The following KIF1B variants were observed in gnomAD, a reference collection of about 807,000 sequenced individuals.
The protein encoded by KIF1B is kinesin family member 1B, also known as kinesin-like protein KIF1B.
A neutral mutation model predicts 241.9 loss-of-function variants in KIF1B; 76 were observed. That is an observed-to-expected ratio of 0.31 (90% CI 0.26 to 0.38). KIF1B has a LOEUF of 0.38. Ranked by LOEUF, KIF1B falls within the 10% of genes least tolerant of loss-of-function variation. The pLI, the probability that KIF1B is intolerant of heterozygous loss-of-function variation, is 1.00. For synonymous variants in KIF1B, 750 were observed against 796.7 expected, an observed-to-expected ratio of 0.94 and a Z score of 0.99; for missense variants, 1,622 against 2,271.4, an observed-to-expected ratio of 0.71 and a Z score of 5.81.
chr1:10,323,876 C>G lies in KIF1B; in HGVS notation c.2359-8C>G. The G allele has an allele frequency of 5.0e-6, 8 of 1,612,354 alleles. No homozygotes were observed. Among genetic ancestry groups the G allele is most frequent in the Non-Finnish European group, 6.8e-6 (8 of 1,178,408 alleles). On this transcript the variant is annotated splice_polypyrimidine_tract_variant and splice_region_variant and intron_variant, in intron 24 of 48. Coordinates refer to ENST00000676179, the MANE Select transcript of KIF1B (RefSeq NM_001365951.3). ...ACCATTTGTCAATGGTTTATTCTTTCTATTCAGGTGCAGTTTCAGTTTGTT... is the reference window on the plus strand; with the variant it reads ...ACCATTTGTCAATGGTTTATTCTTTGTATTCAGGTGCAGTTTCAGTTTGTT...
chr1:10,323,917 C>T lies in KIF1B; in HGVS notation c.2392C>T (p.Leu798=). ...QFQFVLLTDT[L]YSPLPPELLP... ...TCAGTTTGTTCTGCTGACTGACACA[C>T]TGTACTCCCCTTTGCCTCCTGAATT... The change falls in exon 25 of 49, where the codon CTG becomes TTG. Residue 798 remains leucine (L), a synonymous_variant. Coordinates refer to ENST00000676179, the MANE Select transcript of KIF1B (RefSeq NM_001365951.3). The T allele has an allele frequency of 6.2e-7, 1 of 1,614,120 alleles. No individual in the cohort carries two copies. The highest frequency in any genetic ancestry group is 8.5e-7 in the Non-Finnish European group (1 of 1,179,978).
Position 10,243,390 on chromosome 1 carries a change from G to C in KIF1B, c.106+10956G>C, listed in dbSNP as rs183385641. On this transcript the variant is annotated intron_variant, in intron 2 of 48. Transcript: ENST00000676179. ...GCCAAGTTCGTGCCACTGCACTCCAGCCTGGGTGACAGAACAAGACTGCGT... is the reference window on the plus strand; with the variant it reads ...GCCAAGTTCGTGCCACTGCACTCCACCCTGGGTGACAGAACAAGACTGCGT... 2.6e-3 allele frequency among the ~76,000 whole-genome samples: 402 copies of C among 152,336 alleles called. 2 individuals carry two copies. The highest frequency in any genetic ancestry group is 9.3e-3 in the African/African-American group (385 of 41,582).
intron 2 of KIF1B, among the ~76,000 whole-genome samples, chr1:10,254,349 G>A (rs76201266): frequency 0.019 from 2,847 of 152,228 alleles, 40 homozygotes; most frequent in Non-Finnish European, 0.028. Context: ...TTATCACAGA[G>A]TATTTACTGA....
chr1:10,240,771 C>G (rs1044055352), intron 2 of KIF1B, among the ~76,000 whole-genome samples: 1 of 132,786 alleles, frequency 7.5e-6, no homozygotes, highest in African/African-American at 2.7e-5. Context: ...ACTTTGTTGC[C>G]CAGGCTGGTC....
intron 11 of KIF1B, 142 bp from the exon 12 acceptor site, chr1:10,276,179 C>G: frequency 1.4e-6 from 1 of 690,598 alleles, no homozygotes; most frequent in Non-Finnish European, 2.5e-6. Context: ...GTGAGACTCC[C>G]TCTCAAAAAA....
intron 9 of KIF1B, among the ~76,000 whole-genome samples, 170 bp from the exon 10 acceptor site, chr1:10,272,844 G>A (rs149998152): frequency 1.3e-5 from 2 of 151,494 alleles, no homozygotes; most frequent in East Asian, 3.9e-4. Flanking sequence ...GTCATTGTGT[G>A]TTCTAGTTTA....
chr1:10,312,580 C>G (rs1401664423), intron 22 of KIF1B, among the ~76,000 whole-genome samples: 2 of 151,570 alleles, frequency 1.3e-5, no homozygotes, highest in East Asian at 3.8e-4. Context: ...CGTCTCCCTA[C>G]TCTGCCATTC....
intron 1 of KIF1B, chr1:10,227,795 C>G (rs557273544): frequency 6.7e-6 from 1 of 149,858 alleles, no homozygotes; most frequent in Non-Finnish European, 1.5e-5. Flanking sequence ...GTGACAAGAG[C>G]GAAACTTCAT....
chr1:10,276,379 T>A lies in KIF1B; in HGVS notation c.1017T>A (p.Asp339Glu), dbSNP rs1649109089. The A allele has an allele frequency of 1.2e-6, 2 of 1,613,488 alleles. No individual in the cohort carries two copies. Among genetic ancestry groups the A allele is most frequent in the African/African-American group, 1.3e-5 (1 of 74,884 alleles). ...TGAGCCCCGCGGATATCAACTACGA[T>A]GAGACTTTGAGCACTCTGAGGTACT... ...AALSPADINY[D>E]ETLSTLRYAD... The change falls in exon 12 of 49, where the codon GAT becomes GAA. Residue 339 changes from aspartate to glutamate, a missense_variant. By Grantham distance (45) the Asp-to-Glu change is conservative (BLOSUM62 2). Transcript: ENST00000676179.
Position 10,271,594 on chromosome 1 carries a change from A to T in KIF1B, c.798+15A>T. 6.3e-7 allele frequency: 1 copy of T among 1,578,108 alleles called. No individual in the cohort carries two copies. The highest frequency in any genetic ancestry group is 8.7e-7 in the Non-Finnish European group (1 of 1,147,196). On this transcript the variant is annotated intron_variant, in intron 8 of 48. Coordinates refer to ENST00000676179, the MANE Select transcript of KIF1B (RefSeq NM_001365951.3). ...CTCGATTAAAGGTATTTATTTTAGCAAATAAATGGCCTGATCAATAAATGG... is the reference window on the plus strand; with the variant it reads ...CTCGATTAAAGGTATTTATTTTAGCTAATAAATGGCCTGATCAATAAATGG...
rs1048688213 is a variant in KIF1B at position 10,258,533 on chromosome 1, A to G, written c.224A>G (p.Asn75Ser). 36 of 1,614,050 alleles carry G rather than the reference A, an allele frequency of 2.2e-5. No individual in the cohort carries two copies. The highest frequency in any genetic ancestry group is 3.0e-5 in the Non-Finnish European group (35 of 1,180,032). Reference protein sequence around the residue: ...PCFASQNRVYNDIGKEMLLHA... With the variant: ...PCFASQNRVYSDIGKEMLLHA... ...TTTGCATCTCAAAACCGTGTGTACA[A>G]TGACATTGGCAAGGAAATGCTCTTA... Residue 75 changes from asparagine to serine, a missense_variant, in exon 4 of 49, where the codon AAT becomes AGT. Physicochemically the swap from Asn to Ser is conservative, Grantham distance 46 (BLOSUM62 1). Transcript: ENST00000676179.
chr1:10,246,835 C>T (rs907004467), intron 2 of KIF1B, among the ~76,000 whole-genome samples: 2 of 152,140 alleles, frequency 1.3e-5, no homozygotes, highest in African/African-American at 4.8e-5. Flanking sequence ...TCACTGGTTT[C>T]CTGTCACATT....
chr1:10,229,579 G>C (rs1034859693), intron 1 of KIF1B, among the ~76,000 whole-genome samples: 7 of 151,864 alleles, frequency 4.6e-5, no homozygotes, highest in Admixed American at 6.6e-5. Context: ...CCAGACAGCC[G>C]GGTGCGGTGG....
rs1651537425 is a variant in KIF1B at position 10,321,876 on chromosome 1, CAGG to C, written c.2358+22_2358+24del. 6.2e-7 allele frequency: 1 copy of C among 1,613,774 alleles called. No individual in the cohort carries two copies. Among genetic ancestry groups the C allele is most frequent in the African/African-American group, 1.3e-5 (1 of 74,914 alleles). On this transcript the variant is annotated intron_variant, in intron 24 of 48. Transcript: ENST00000676179. ...AAAGAAGGTATGGAGCAGGAGGACA[CAGG>C]AGAGCTGGAGGCAAAGCCGAGCCTG...
intron 5 of KIF1B, among the ~76,000 whole-genome samples, chr1:10,263,282 AAT>A (rs1330303771): frequency 2.4e-5 from 3 of 123,310 alleles, no homozygotes; most frequent in Admixed American, 7.9e-5. Context: ...AAAAAAAAAT[AAT>A]AATAATAAAT....
intron 1 of KIF1B, among the ~76,000 whole-genome samples, chr1:10,216,435 C>A (rs1052381505): frequency 5.3e-5 from 8 of 152,136 alleles, no homozygotes; most frequent in African/African-American, 1.9e-4. Flanking sequence ...TATACTACGA[C>A]CTCTGGGTTG....
intron 27 of KIF1B, among the ~76,000 whole-genome samples, chr1:10,334,140 ACTCTGT>A (rs1381683745): frequency 1.8e-5 from 2 of 109,226 alleles, no homozygotes; most frequent in Non-Finnish European, 3.5e-5. Flanking sequence ...ACAGAGCGAG[ACTCTGT>A]CTCAAAAAAA....
intron 22 of KIF1B, 27 bp downstream of exon 22, chr1:10,297,273 T>C (rs1303114925): frequency 6.3e-7 from 1 of 1,599,716 alleles, no homozygotes; most frequent in Non-Finnish European, 8.6e-7. Flanking sequence ...TGCTAAACTG[T>C]TGGGAAAAGG....
At chr1:10,349,648 G>A (rs145217785) in intron 37 of KIF1B, among the ~76,000 whole-genome samples, 33 of 149,868 alleles carry the variant, frequency 2.2e-4, no homozygotes, top group African/African-American at 7.9e-4. Context: ...CCAGACACAA[G>A]CATTTTGAGT....
Sources: allele counts gnomAD v4.1 joint callset (sites outside exome capture counted in the v4.1 genomes callset), GRCh38; gene constraint gnomAD v4.1.1; transcripts MANE v1.5; gene names NCBI Gene and HGNC (gene_info 2026-07-23, HGNC 2026-07-21).